Variants in LRRC9 observed in about 807,000 individuals in gnomAD.
LRRC9 encodes leucine-rich repeat-containing protein 9.
LRRC9 carries 122 observed loss-of-function variants against 63.2 expected under a neutral mutation model. The ratio of observed to expected loss-of-function variants is 1.93; its 90% CI spans 1.67 to 2.24. LRRC9 has a LOEUF of 2.24. LRRC9 is among the 30% of genes most tolerant of loss of function. LRRC9 has a pLI of 0.00. For missense variants in LRRC9, 1,071 were observed against 627.7 expected (o/e 1.71, Z -7.55); for synonymous variants, 366 against 213.1 (o/e 1.72, Z -6.25).
At chr14:59,993,016 A>G (rs1264663810) in intron 17 of LRRC9, among the ~76,000 whole-genome samples, 1 of 152,210 alleles carries the variant, frequency 6.6e-6, no homozygotes, top group Non-Finnish European at 1.5e-5. Context: ...CAGATTCACC[A>G]AAGTTGAAAT....
intron 20 of LRRC9, among the ~76,000 whole-genome samples, chr14:60,002,476 A>G (rs1889461310): frequency 1.3e-5 from 2 of 152,212 alleles, no homozygotes; most frequent in Non-Finnish European, 1.5e-5. Flanking sequence ...GAGTTTGACT[A>G]TTTTAGAGTT....
At chr14:59,952,043 C>G (rs866444173) in intron 8 of LRRC9, among the ~76,000 whole-genome samples, 2 of 151,386 alleles carry the variant, frequency 1.3e-5, no homozygotes, top group South Asian at 4.2e-4. Flanking sequence ...TCGAGCTTCC[C>G]GGCTGCTTTG....
At position 59,942,366 on chromosome 14, in the gene LRRC9, G is replaced by A. The variant is rs1374081875; in HGVS notation, c.727-2223G>A. Among the ~76,000 whole-genome samples, 4 of 152,162 alleles carry A rather than the reference G, an allele frequency of 2.6e-5. No homozygotes were observed. On this transcript the variant is annotated intron_variant, in intron 7 of 31. Coordinates refer to ENST00000445360, the Ensembl canonical transcript of LRRC9. The surrounding 1 kb of genome is among the most constrained non-coding windows in gnomAD (Gnocchi z 5.3). ...TTGTTTTGGATAAATACCCAGGAGTGAGATTGCTGAATCCTATGGAAGTTC... is the reference window on the plus strand; with the variant it reads ...TTGTTTTGGATAAATACCCAGGAGTAAGATTGCTGAATCCTATGGAAGTTC...
rs933358788 is a variant in LRRC9 at position 59,986,778 on chromosome 14, C to G, written c.2211+1554C>G. Among the ~76,000 whole-genome samples, 1 of 152,094 alleles carries G rather than the reference C, an allele frequency of 6.6e-6. No homozygotes were observed. The highest frequency in any genetic ancestry group is 6.5e-5 in the Admixed American group (1 of 15,274). ...TCAACTTTAATACAAAAATTATTTTCATTATCATAGCCTCACAGTCTACTT... is the reference window on the plus strand; with the variant it reads ...TCAACTTTAATACAAAAATTATTTTGATTATCATAGCCTCACAGTCTACTT... On this transcript the variant is annotated intron_variant, in intron 17 of 31. Transcript: ENST00000445360. This position sits in a 1 kb window ranked among gnomAD's most constrained non-coding sequence, Gnocchi z 4.7.
chr14:59,951,792 G>A (rs1277446221), intron 8 of LRRC9, among the ~76,000 whole-genome samples: 1 of 152,178 alleles, frequency 6.6e-6, no homozygotes, highest in Non-Finnish European at 1.5e-5. Context: ...TGGGGGGTAG[G>A]CCTCCCAGTT....
chr14:60,061,991 T>C lies in LRRC9; in HGVS notation c.4277-1332T>C. On this transcript the variant is annotated intron_variant, in intron 31 of 31. Coordinates refer to ENST00000445360, the Ensembl canonical transcript of LRRC9. ...TGTTTCATAATTTTAATTTTTCAAA[T>C]TTCTAATTTCTAATTTCAGACAAAA... 1 of 398,722 alleles carries C rather than the reference T, an allele frequency of 2.5e-6. No individual in the cohort carries two copies. Among genetic ancestry groups the C allele is most frequent in the Non-Finnish European group, 4.4e-6 (1 of 225,914 alleles). 24.7% of individuals were successfully genotyped at this position (398,722 alleles called of 1,614,324 possible). A position where few individuals can be genotyped will look rare whatever the true frequency, so the allele number is the denominator to read the frequency against.
At chr14:60,010,902 T>C (rs2140245646) in intron 23 of LRRC9, among the ~76,000 whole-genome samples, 1 of 152,336 alleles carries the variant, frequency 6.6e-6, no homozygotes, top group East Asian at 1.9e-4. Context: ...ATCAGCATTT[T>C]GGTCAAAGCC....
Position 59,997,864 on chromosome 14 carries a change from T to C in LRRC9, c.2403+17T>C. ...TGGCAAAAGGTATGCCACAGACATG[T>C]TACTAAAAAGCAAACATTTTTATTT... On this transcript the variant is annotated intron_variant, in intron 18 of 31. Coordinates refer to ENST00000445360, the Ensembl canonical transcript of LRRC9. 1 of 650,480 alleles carries C rather than the reference T, an allele frequency of 1.5e-6. No individual in the cohort carries two copies. 40.3% of individuals were successfully genotyped at this position (650,480 alleles called of 1,614,324 possible). A position where few individuals can be genotyped will look rare whatever the true frequency, so the allele number is the denominator to read the frequency against.
exon 17 of LRRC9, chr14:59,985,221 C>T (rs1407433132): frequency 1.6e-6 from 1 of 641,454 alleles, no homozygotes; most frequent in Admixed American, 2.3e-5. Flanking sequence ...ATGTATACCA[C>T]TTGGTAAGAA....
chr14:59,977,908 A>G (rs1410900431), intron 14 of LRRC9, 109 bp from the exon 15 acceptor site: 1 of 513,640 alleles, frequency 1.9e-6, no homozygotes, highest in Non-Finnish European at 3.5e-6. Context: ...CAATAATATA[A>G]CTGTTGCAAC....
intron 8 of LRRC9, among the ~76,000 whole-genome samples, chr14:59,944,966 T>G (rs1882201073): frequency 6.6e-6 from 1 of 151,932 alleles, no homozygotes; most frequent in Admixed American, 6.6e-5. Flanking sequence ...AGCTACATTC[T>G]GTGCTTAGAA....
intron 26 of LRRC9, among the ~76,000 whole-genome samples, chr14:60,021,158 A>G (rs186843235): frequency 6.6e-6 from 1 of 151,994 alleles, no homozygotes; most frequent in East Asian, 1.9e-4. Context: ...AATGCTTGTT[A>G]TTGCCCATCT....
At chr14:59,987,192 T>C (rs1331948066) in intron 17 of LRRC9, among the ~76,000 whole-genome samples, 1 of 151,964 alleles carries the variant, frequency 6.6e-6, no homozygotes, top group African/African-American at 2.4e-5. Context: ...GAAATCATTA[T>C]CCTAACCTCT....
chr14:59,928,854 G>A (rs1455668066), intron 3 of LRRC9, among the ~76,000 whole-genome samples: 1 of 152,018 alleles, frequency 6.6e-6, no homozygotes, highest in Non-Finnish European at 1.5e-5. Context: ...TATGGTGCTG[G>A]GATAACTGGA....
At chr14:60,062,323 A>G (rs1894705360) in intron 31 of LRRC9, 144 bp downstream of exon 32, 8 of 390,806 alleles carry the variant, frequency 2.0e-5, no homozygotes, top group African/African-American at 1.4e-4. Context: ...GTCAGATAGC[A>G]TAAGACTTCT....
In LRRC9 at chr14:60,042,995, T is replaced by A. The variant is rs1444427656; in HGVS notation, c.3991-10070T>A. 6.6e-6 allele frequency among the ~76,000 whole-genome samples: 1 copy of A among 152,242 alleles called. No individual in the cohort carries two copies. The highest frequency in any genetic ancestry group is 6.5e-5 in the Admixed American group (1 of 15,280). ...TTCATCAGAGGTTTATAGTTTTCCT[T>A]GCATAGATCTTTCACTTCTTTGGTT... is the stretch of plus-strand genomic sequence containing the variant. On this transcript the variant is annotated intron_variant, in intron 29 of 31. Transcript: ENST00000445360. This position sits in a 1 kb window ranked among gnomAD's most constrained non-coding sequence, Gnocchi z 4.2.
chr14:59,941,480 C>A (rs147995596), intron 7 of LRRC9, among the ~76,000 whole-genome samples: 1 of 150,964 alleles, frequency 6.6e-6, no homozygotes, highest in African/African-American at 2.4e-5. Context: ...AATAAAATAT[C>A]TATTAAATTT....
intron 29 of LRRC9, among the ~76,000 whole-genome samples, chr14:60,036,337 T>C (rs1294259420): frequency 2.0e-5 from 3 of 152,184 alleles, no homozygotes; most frequent in African/African-American, 4.8e-5. Flanking sequence ...ATGTCTGCTA[T>C]AGCAAAAGGA....
intron 29 of LRRC9, among the ~76,000 whole-genome samples, chr14:60,050,139 G>A (rs1249782078): frequency 6.6e-6 from 1 of 152,032 alleles, no homozygotes; most frequent in Non-Finnish European, 1.5e-5. Context: ...TAAGATTACA[G>A]GCACACACCA....
Sources: allele counts gnomAD v4.1 joint callset (sites outside exome capture counted in the v4.1 genomes callset), GRCh38; gene constraint gnomAD v4.1.1; non-coding constraint Gnocchi (gnomAD v3.1); transcripts MANE v1.5; gene names NCBI Gene and HGNC (gene_info 2026-07-23, HGNC 2026-07-21).